The following HSPG2 variants were observed in gnomAD, a reference collection of about 807,000 sequenced individuals.
HSPG2 encodes basement membrane-specific heparan sulfate proteoglycan core protein.
In HSPG2, 278 loss-of-function variants were observed where a neutral mutation model predicts 526.6. The ratio of observed to expected loss-of-function variants is 0.53; its 90% confidence interval spans 0.48 to 0.58. The LOEUF (loss-of-function observed/expected upper bound fraction) is 0.58, where lower values mean the gene tolerates loss of function less well. Among genes scored for constraint, HSPG2 ranks in the 20% least tolerant of loss-of-function variants. The probability of loss-of-function intolerance (pLI) is 0.00; values close to 1 mark genes in which losing one functional copy is unlikely to be tolerated. For missense variants in HSPG2, 5,354 were observed against 6,099.5 expected, an observed-to-expected ratio of 0.88 and a Z score of 4.07; for synonymous variants, 2,465 against 2,555.4, an observed-to-expected ratio of 0.96 and a Z score of 1.07.
chr1:21,863,078 A>AAAC (rs1639946946), intron 37 of HSPG2, among the ~76,000 whole-genome samples: 1 of 143,446 alleles, frequency 7.0e-6, no homozygotes, highest in African/African-American at 2.6e-5. Flanking sequence ...AAAAAAAAAA[A>AAAC]AAAAAAAAAA....
At position 21,893,513 on chromosome 1, in the gene HSPG2, A is replaced by T. The variant is rs1354080509; in HGVS notation, c.244+2409T>A. ...AACAGGGAGAAAGGAGAGAAAAGGA[A>T]GAGTGGGGAGAGAGGATGGGGAGGG... is the stretch of plus-strand genomic sequence containing the variant. On this transcript the variant is annotated intron_variant, in intron 3 of 96. Coordinates refer to ENST00000374695, the MANE Select transcript of HSPG2 (RefSeq NM_005529.7). This position sits in a 1 kb window ranked among gnomAD's most constrained non-coding sequence, Gnocchi z 4.3. Among the ~76,000 whole-genome samples, 2 of 152,138 alleles carry T rather than the reference A, an allele frequency of 1.3e-5. No homozygotes were observed. The highest frequency in any genetic ancestry group is 2.9e-5 in the Non-Finnish European group (2 of 68,022).
Position 21,850,148 on chromosome 1 carries a change from G to A in HSPG2, c.7339C>T (p.Gln2447Ter). ...TCCAGGGTCTGCCCCTCGGCCACTT[G>A]CGAAGACGATGACTCGATCCGGACC... Reference protein sequence around the residue: ...PTVRIESSSSQVAEGQTLDLN... With the variant: ...PTVRIESSSS Residue 2447 changes from glutamine to a stop codon, truncating the protein, a stop_gained, in exon 57 of 97, where the codon CAA becomes TAA. Transcript: ENST00000374695. LOFTEE classifies it high-confidence loss of function. 1 of 1,613,434 alleles carries A rather than the reference G, an allele frequency of 6.2e-7. No individual in the cohort carries two copies. Among genetic ancestry groups the A allele is most frequent in the Non-Finnish European group, 8.5e-7 (1 of 1,180,038 alleles).
Position 21,840,584 on chromosome 1 carries a change from G to A in HSPG2, c.9513+517C>T, listed in dbSNP as rs138598595. ...GCCTCCCAAATTGCTAGGATTACAG[G>A]TGTGAGCCACTGCACCCAGCCTAAT... On this transcript the variant is annotated intron_variant, in intron 71 of 96. Transcript: ENST00000374695. Among the ~76,000 whole-genome samples the A allele has an allele frequency of 5.6e-3, 855 of 152,232 alleles. 11 individuals carry two copies. Among genetic ancestry groups the A allele is most frequent in the African/African-American group, 0.019 (782 of 41,530 alleles).
intron 1 of HSPG2, chr1:21,908,679 T>C: frequency 1.8e-6 from 1 of 541,166 alleles, no homozygotes; most frequent in Non-Finnish European, 3.2e-6. Flanking sequence ...AGGGTCTCAC[T>C]GCTTAATGAG....
Position 21,828,408 on chromosome 1 carries a change from G to T in HSPG2, c.12256C>A (p.Arg4086=). 1 of 1,613,538 alleles carries T rather than the reference G, an allele frequency of 6.2e-7. No individual in the cohort carries two copies. The highest frequency in any genetic ancestry group is 8.5e-7 in the Non-Finnish European group (1 of 1,179,988). Residue 4086 remains arginine (R), a synonymous_variant, in exon 89 of 97, where the codon CGG becomes AGG. Transcript: ENST00000374695. The surrounding 1 kb of genome is among the most constrained non-coding windows in gnomAD (Gnocchi z 6.0). Reference sequence around the variant, plus strand: ...AGGAAACTGTAGGTGAGGTCCAGCCGTTTGCCATTCACTGACACCTGTGGG... The same window carrying T: ...AGGAAACTGTAGGTGAGGTCCAGCCTTTTGCCATTCACTGACACCTGTGGG... ...CVGEVSVNGK[R]LDLTYSFLGS...
At chr1:21,886,239 A>AG (rs1317677600) in intron 9 of HSPG2, among the ~76,000 whole-genome samples, 8 of 152,152 alleles carry the variant, frequency 5.3e-5, no homozygotes, top group Non-Finnish European at 1.2e-4. Flanking sequence ...TCCCCAGGAG[A>AG]GGCCCCTGAG....
intron 14 of HSPG2, 138 bp downstream of exon 14, chr1:21,881,201 A>T: frequency 9.5e-7 from 1 of 1,050,398 alleles, no homozygotes; most frequent in Non-Finnish European, 1.5e-6. Context: ...TGAATGGATG[A>T]GCCGCTGCCA....
At position 21,823,354 on chromosome 1, in the gene HSPG2, C is replaced by A. The variant is rs779453903; in HGVS notation, c.13138G>T (p.Ala4380Ser). ...GGGCGTGTGTTGGCCCCGGCCTGGG[C>A]GCGGTGCTGCAGGTCCAGGGGCTGT... ...PPQPLDLQHR[A>S]QAGANTRPCP... Residue 4380 changes from alanine (A) to serine (S), a missense_variant, in exon 97 of 97, where the codon GCC (alanine) becomes TCC (serine). Ala to Ser is a moderately conservative substitution (Grantham distance 99). Coordinates refer to ENST00000374695, the MANE Select transcript of HSPG2 (RefSeq NM_005529.7). The A allele has an allele frequency of 8.4e-6, 13 of 1,544,190 alleles. No individual in the cohort carries two copies. The East Asian group carries it at 2.2e-4, about 26-fold the overall frequency.
intron 9 of HSPG2, among the ~76,000 whole-genome samples, chr1:21,886,145 A>C (rs1204841507): frequency 6.6e-6 from 1 of 152,212 alleles, no homozygotes; most frequent in Non-Finnish European, 1.5e-5. Flanking sequence ...TCTGTTCCCC[A>C]CACTCTCAGG....
chr1:21,875,072 T>C (rs1640945213), intron 25 of HSPG2, 70 bp from the exon 26 acceptor site: 1 of 1,125,052 alleles, frequency 8.9e-7, no homozygotes, highest in East Asian at 2.6e-5. Context: ...AGTCCTCCAC[T>C]GGCAGGGTCT....
intron 18 of HSPG2, 71 bp from the exon 19 acceptor site, chr1:21,878,734 G>T: frequency 7.1e-7 from 1 of 1,416,488 alleles, no homozygotes; most frequent in Non-Finnish European, 1.0e-6. Context: ...CCTGGGAAAT[G>T]ACTGCTGTCT....
Position 21,848,264 on chromosome 1 carries a change from C to T in HSPG2, c.7738-171G>A, listed in dbSNP as rs1345092991. On this transcript the variant is annotated intron_variant, in intron 59 of 96. Coordinates refer to ENST00000374695, the MANE Select transcript of HSPG2 (RefSeq NM_005529.7). The surrounding 1 kb of genome is among the most constrained non-coding windows in gnomAD (Gnocchi z 4.9). ...TGGCCTGTCTCTGGGCTGGGGTGGA[C>T]GTCTAGCCTTTTGTCACCCCTCCAG... Among the ~76,000 whole-genome samples, 2 of 152,088 alleles carry T rather than the reference C, an allele frequency of 1.3e-5. No individual in the cohort carries two copies. Among genetic ancestry groups the T allele is most frequent in the Admixed American group, 6.5e-5 (1 of 15,272 alleles).
rs141748265 is a variant in HSPG2 at position 21,864,048 on chromosome 1, C to T, written c.4740+52G>A. On this transcript the variant is annotated intron_variant, in intron 37 of 96. Coordinates refer to ENST00000374695, the MANE Select transcript of HSPG2 (RefSeq NM_005529.7). This position sits in a 1 kb window ranked among gnomAD's most constrained non-coding sequence, Gnocchi z 4.8. ...CCTGCCTTGTCCAGCCCTGGTCCCCCACCCAGGCCCAGCTGAGCTGACCCC... is the reference window on the plus strand; with the variant it reads ...CCTGCCTTGTCCAGCCCTGGTCCCCTACCCAGGCCCAGCTGAGCTGACCCC... 3 of 1,381,796 alleles carry T rather than the reference C, an allele frequency of 2.2e-6. No homozygotes were observed. Among genetic ancestry groups the T allele is most frequent in the Non-Finnish European group, 3.0e-6 (3 of 994,234 alleles). The allele number at this position is 1,381,796 out of a possible 1,614,324, so 85.6% of individuals were successfully genotyped here.
intron 1 of HSPG2, among the ~76,000 whole-genome samples, chr1:21,935,726 G>A (rs1454887501): frequency 6.6e-6 from 1 of 152,210 alleles, no homozygotes; most frequent in African/African-American, 2.4e-5. Context: ...AAGACTGTTG[G>A]GCCTCGGAAA....
chr1:21,875,174 T>C, intron 25 of HSPG2, 172 bp from the exon 26 acceptor site: 1 of 655,572 alleles, frequency 1.5e-6, no homozygotes, highest in Middle Eastern at 3.7e-4. Flanking sequence ...AGCTGTTACC[T>C]GCAACTTACT....
At chr1:21,841,766 C>T (rs2098049485) in intron 69 of HSPG2, 93 bp from the exon 70 acceptor site, 4 of 1,519,096 alleles carry the variant, frequency 2.6e-6, no homozygotes, top group Non-Finnish European at 2.7e-6. Flanking sequence ...CCCACTTCCC[C>T]AATCCCTCCG....
At chr1:21,855,472 C>T (rs376431586) in intron 46 of HSPG2, 26 bp from the exon 47 acceptor site, 79 of 1,612,626 alleles carry the variant, frequency 4.9e-5, no homozygotes, top group African/African-American at 3.2e-4. Context: ...TGTGAGAACA[C>T]GCCCTGGGCT....
At position 21,855,577 on chromosome 1, in the gene HSPG2, G is replaced by A. The variant is rs773522442; in HGVS notation, c.5800C>T (p.Arg1934Ter). ...EPTDQAQYLC[R>*]AHSSAGQQVA... is the part of the protein sequence containing the mutation. ...TGCTGCCCAGCGCTGCTGTGGGCTCGGCACAAGTACTGGGCCTGATCCGTG... is the reference window on the plus strand; with the variant it reads ...TGCTGCCCAGCGCTGCTGTGGGCTCAGCACAAGTACTGGGCCTGATCCGTG... Residue 1934 changes from arginine (R) to a stop codon, truncating the protein, a stop_gained, in exon 46 of 97, where the codon CGA (arginine) becomes TGA (stop). Transcript: ENST00000374695. LOFTEE classifies it high-confidence loss of function. 5.6e-6 allele frequency: 9 copies of A among 1,595,966 alleles called. No homozygotes were observed. The highest frequency in any genetic ancestry group is 2.3e-5 in the East Asian group (1 of 44,232).
chr1:21,884,413 C>T, intron 13 of HSPG2, 115 bp downstream of exon 13: 1 of 1,389,038 alleles, frequency 7.2e-7, no homozygotes, highest in African/African-American at 1.4e-5. Context: ...TCTTCAGCGA[C>T]TCACATTCCT....
Sources: gnomAD v4.1 joint callset for allele counts (sites outside exome capture counted in the v4.1 genomes callset) on GRCh38, gnomAD v4.1.1 for gene constraint, Gnocchi (gnomAD v3.1) non-coding constraint, MANE v1.5 for transcripts, NCBI Gene and HGNC (gene_info 2026-07-23, HGNC 2026-07-21) for gene names.